The following SV2C variants were observed in gnomAD, a reference collection of about 807,000 sequenced individuals.
SV2C encodes solute carrier family 22 member B3.
SV2C carries 49 observed loss-of-function variants against 79.7 expected under a neutral mutation model. That is an observed-to-expected ratio of 0.61 (90% CI 0.49 to 0.78). The LOEUF is 0.78. SV2C is among the 30% of genes least tolerant of loss of function. The pLI is 0.00. For missense variants in SV2C, 833 were observed against 912.9 expected (o/e 0.91, Z 1.13); for synonymous variants, 334 against 333.2 (o/e 1.00, Z -0.03).
intron 1 of SV2C, among the ~76,000 whole-genome samples, chr5:76,095,664 G>A (rs755416918): frequency 1.3e-5 from 2 of 151,996 alleles, no homozygotes; most frequent in African/African-American, 2.4e-5. Flanking sequence ...TCATTAGAAC[G>A]TGGAAGATTA....
chr5:75,899,227 C>T, the SV2C span, among the ~76,000 whole-genome samples: 21 of 152,216 alleles, frequency 1.4e-4, no homozygotes, highest in South Asian at 1.0e-3. Flanking sequence ...TTTCCCTCTA[C>T]ACACTGCTTT....
At chr5:76,152,789 C>T (rs1166359598) in intron 2 of SV2C, among the ~76,000 whole-genome samples, 1 of 152,146 alleles carries the variant, frequency 6.6e-6, no homozygotes, top group East Asian at 1.9e-4. Flanking sequence ...CCCAGCCCCT[C>T]CCAACACTGG....
At chr5:75,921,461 CATAAGGCA>C in the SV2C span, 1 of 796,412 alleles carries the variant, frequency 1.3e-6, no homozygotes, top group East Asian at 2.4e-5. Flanking sequence ...CATCCTTGCC[CATAAGGCA>C]GTCGGTCTCT....
At chr5:76,146,342 C>T (rs900846528) in intron 2 of SV2C, among the ~76,000 whole-genome samples, 1 of 152,134 alleles carries the variant, frequency 6.6e-6, no homozygotes, top group Non-Finnish European at 1.5e-5. Flanking sequence ...GGACCAGCCC[C>T]GAGGGCTGCT....
intron 4 of SV2C, among the ~76,000 whole-genome samples, chr5:76,232,412 TC>T (rs1477591200): frequency 1.3e-5 from 2 of 149,300 alleles, no homozygotes; most frequent in Non-Finnish European, 3.0e-5. Flanking sequence ...GATGGTAGTT[TC>T]TTTTGCTGTG....
intron 12 of SV2C, among the ~76,000 whole-genome samples, chr5:76,309,599 C>CAAAAAAAAAAAAAA (rs769865757): frequency 5.3e-5 from 1 of 18,706 alleles, no homozygotes; most frequent in Non-Finnish European, 1.4e-4. Context: ...AACTCCATCT[C>CAAAAAAAAAAAAAA]AAAAAAAAAA....
At chr5:75,976,630 T>A in the SV2C span, among the ~76,000 whole-genome samples, 3 of 152,018 alleles carry the variant, frequency 2.0e-5, no homozygotes, top group East Asian at 5.8e-4. Flanking sequence ...AATCTTAATG[T>A]CAAAATCCAT....
intron 3 of SV2C, among the ~76,000 whole-genome samples, chr5:76,197,258 A>C (rs543941326): frequency 6.6e-6 from 1 of 152,312 alleles, no homozygotes; most frequent in South Asian, 2.1e-4. Context: ...ATAGTTTGGC[A>C]TTTCTTATCT....
chr5:76,227,895 C>A (rs1258892772), intron 4 of SV2C, among the ~76,000 whole-genome samples: 1 of 152,180 alleles, frequency 6.6e-6, no homozygotes, highest in Non-Finnish European at 1.5e-5. Flanking sequence ...CTTGTCCCAT[C>A]GCGGCTCACT....
chr5:75,911,382 G>T, the SV2C span: 1 of 1,189,466 alleles, frequency 8.4e-7, no homozygotes, highest in South Asian at 1.3e-5. Flanking sequence ...AACCAAAGAA[G>T]AGAACCTATA....
At chr5:76,169,691 A>C (rs1743154608) in intron 2 of SV2C, among the ~76,000 whole-genome samples, 1 of 152,238 alleles carries the variant, frequency 6.6e-6, no homozygotes, top group Non-Finnish European at 1.5e-5. Flanking sequence ...CGATTAAGGA[A>C]GCTCACAGAC....
chr5:75,921,261 G>C, the SV2C span: 1 of 1,466,808 alleles, frequency 6.8e-7, no homozygotes, highest in East Asian at 2.3e-5. Context: ...AGGATCTGCA[G>C]GTCCTCCAGG....
At chr5:76,160,387 A>G (rs879060028) in intron 2 of SV2C, among the ~76,000 whole-genome samples, 3 of 152,224 alleles carry the variant, frequency 2.0e-5, no homozygotes, top group Non-Finnish European at 4.4e-5. Context: ...TTAGACATAC[A>G]GCTCTATGAA....
the SV2C span, among the ~76,000 whole-genome samples, chr5:76,034,000 C>A: frequency 2.0e-5 from 3 of 152,034 alleles, 1 homozygote; most frequent in South Asian, 6.2e-4. Context: ...ATCTTATTTT[C>A]TTTGAAGCAA....
At chr5:76,170,508 C>T (rs1235629188) in intron 2 of SV2C, among the ~76,000 whole-genome samples, 1 of 124,318 alleles carries the variant, frequency 8.0e-6, no homozygotes, top group Non-Finnish European at 1.7e-5. Flanking sequence ...AAATGATTTA[C>T]AAAAATTGTT....
At chr5:75,994,974 T>C in the SV2C span, among the ~76,000 whole-genome samples, 1 of 151,964 alleles carries the variant, frequency 6.6e-6, no homozygotes, top group South Asian at 2.1e-4. Flanking sequence ...ACTAGTGGAG[T>C]AAGTCCCAGG....
At chr5:76,110,970 A>T (rs1748077007) in intron 1 of SV2C, among the ~76,000 whole-genome samples, 1 of 149,820 alleles carries the variant, frequency 6.7e-6, no homozygotes, top group Non-Finnish European at 1.5e-5. Flanking sequence ...GCATCTCTCC[A>T]TCTCAATTAT....
the SV2C span, among the ~76,000 whole-genome samples, chr5:75,994,265 T>C: frequency 6.6e-6 from 1 of 152,100 alleles, no homozygotes; most frequent in Non-Finnish European, 1.5e-5. Flanking sequence ...ATGGGAGATG[T>C]AATTTTAGAT....
chr5:75,947,630 GT>G, the SV2C span, among the ~76,000 whole-genome samples: 7 of 152,054 alleles, frequency 4.6e-5, no homozygotes, highest in Non-Finnish European at 7.4e-5. Context: ...AATTTCACCA[GT>G]GGCAGCCACA....
Sources: gnomAD v4.1 joint callset for allele counts (sites outside exome capture counted in the v4.1 genomes callset) on GRCh38, gnomAD v4.1.1 for gene constraint, MANE v1.5 for transcripts, NCBI Gene and HGNC (gene_info 2026-07-23, HGNC 2026-07-21) for gene names.